Variants in PHEX observed in about 807,000 individuals in gnomAD.
PHEX encodes the protein phosphate-regulating neutral endopeptidase PHEX.
In PHEX, 16 loss-of-function variants were observed where a neutral mutation model predicts 68.0. That is an observed-to-expected ratio of 0.24 (90% CI 0.16 to 0.36). PHEX has a LOEUF of 0.36. Ranked by LOEUF, PHEX falls within the 10% of genes least tolerant of loss-of-function variation. The probability of loss-of-function intolerance (pLI) is 1.00; values close to 1 mark genes in which losing one functional copy is unlikely to be tolerated. For synonymous variants in PHEX, 208 were observed against 205.1 expected (o/e 1.01, Z -0.12); for missense variants, 480 against 575.5 (o/e 0.83, Z 1.70).
chrX:22,174,555 C>T (rs777386686), intron 13 of PHEX, among the ~76,000 whole-genome samples: 1 of 111,368 alleles, frequency 9.0e-6, no homozygotes, highest in Non-Finnish European at 1.9e-5. Context: ...AGAAAATTTC[C>T]CAGAAAGTGT....
At chrX:22,074,022 T>A (rs1196092272) in intron 3 of PHEX, among the ~76,000 whole-genome samples, 1 of 110,984 alleles carries the variant, frequency 9.0e-6, no homozygotes, top group East Asian at 2.8e-4. Flanking sequence ...GATTGAGAAA[T>A]CCTCCAAGAA....
intron 7 of PHEX, among the ~76,000 whole-genome samples, chrX:22,094,660 G>T (rs1358309068): frequency 8.9e-6 from 1 of 111,949 alleles, no homozygotes; most frequent in Non-Finnish European, 1.9e-5. Flanking sequence ...CTTTGTACCT[G>T]CCCCTGTTTT....
At position 22,094,165 on chromosome X, in the gene PHEX, C is replaced by T. The variant is rs113714114; in HGVS notation, c.849+66C>T. ...TTTTCTTTTCCTTTACTTTCTTTTCCTTTCCTTTTATTAAAGGCAGTATAT... is the reference window on the plus strand; with the variant it reads ...TTTTCTTTTCCTTTACTTTCTTTTCTTTTCCTTTTATTAAAGGCAGTATAT... On this transcript the variant is annotated intron_variant, in intron 7 of 21. Transcript: ENST00000379374. 1.6e-3 allele frequency: 1,046 copies of T among 658,332 alleles called. 4 individuals are homozygous for T. In the African/African-American group the frequency reaches 0.016, roughly 10 times the overall value. The allele number at this position is 658,332 out of a possible 1,213,427, so 54.3% of individuals were successfully genotyped here. A position where few individuals can be genotyped will look rare whatever the true frequency, so the allele number is the denominator to read the frequency against.
At chrX:22,064,459 T>C (rs2147004813) in intron 3 of PHEX, among the ~76,000 whole-genome samples, 1 of 112,079 alleles carries the variant, frequency 8.9e-6, no homozygotes, top group Admixed American at 9.5e-5. Flanking sequence ...GCTCCATCTA[T>C]GTTCCTGCAA....
intron 3 of PHEX, among the ~76,000 whole-genome samples, chrX:22,072,141 T>A (rs140759323): frequency 0.011 from 1,215 of 112,719 alleles, 18 homozygotes; most frequent in African/African-American, 0.037. Context: ...GTCAGGAGAA[T>A]CGCTTGAACC....
chrX:22,243,209 G>T (rs1208651463), intron 20 of PHEX, among the ~76,000 whole-genome samples: 1 of 111,647 alleles, frequency 9.0e-6, no homozygotes, highest in Admixed American at 9.5e-5. Flanking sequence ...AAATGGTGTT[G>T]GGAAAACTGG....
chrX:22,159,902 G>A (rs1406342288), intron 12 of PHEX, among the ~76,000 whole-genome samples: 1 of 112,218 alleles, frequency 8.9e-6, no homozygotes, highest in Non-Finnish European at 1.9e-5. Flanking sequence ...GGAACCTGAG[G>A]AACAGAGAGA....
rs150681958 is a variant in PHEX, at chrX:22,104,067, T to C, written c.1079+4916T>C. ...TGATAATTAGTGATGTTGAGCATTT[T>C]TCATATGTTTGTTGGCCCTTTGTAT... On this transcript the variant is annotated intron_variant, in intron 9 of 21. Transcript: ENST00000379374. Among the ~76,000 whole-genome samples, 618 of 112,350 alleles carry C rather than the reference T, an allele frequency of 5.5e-3. 3 individuals are homozygous for C. The highest frequency in any genetic ancestry group is 0.019 in the African/African-American group (591 of 30,918).
rs138104041 is a variant in PHEX, at chrX:22,045,878, A to T, written c.188-1172A>T. On this transcript the variant is annotated intron_variant, in intron 2 of 21. Transcript: ENST00000379374. ...CATTTCTCTGAGAGTTACACTGAAT[A>T]TCAAGGAGCTCAAGAATTTGAAAGT... 8.3e-3 allele frequency among the ~76,000 whole-genome samples: 932 copies of T among 112,465 alleles called. 8 individuals carry two copies. Among genetic ancestry groups the T allele is most frequent in the African/African-American group, 0.029 (893 of 30,964 alleles).
chrX:22,230,794 G>A (rs1402296550), intron 20 of PHEX, among the ~76,000 whole-genome samples: 3 of 111,378 alleles, frequency 2.7e-5, no homozygotes, highest in Non-Finnish European at 5.7e-5. Context: ...GACTGCCCTG[G>A]CCAGAACTTC....
intron 2 of PHEX, 75 bp downstream of exon 2, chrX:22,038,612 ATTTT>A: frequency 1.5e-6 from 1 of 667,835 alleles, no homozygotes; most frequent in Non-Finnish European, 2.5e-6. Flanking sequence ...GACAGGTGGT[ATTTT>A]TAGTATTCTG....
intron 5 of PHEX, among the ~76,000 whole-genome samples, chrX:22,089,406 G>GT (rs60936413): frequency 0.011 from 1,082 of 99,141 alleles, 6 homozygotes; most frequent in African/African-American, 0.018. Context: ...AGTTTTTTTT[G>GT]TTTTTTTTTT....
chrX:22,032,595 G>T lies in PHEX; in HGVS notation c.-411G>T. ...ATCATGATTTGGGGGAGTTTCACGA[G>T]AATCCAGTTTTGATAAAACAATTGT... On this transcript the variant is annotated 5_prime_UTR_variant, in exon 1 of 22. Coordinates refer to ENST00000379374, the MANE Select transcript of PHEX (RefSeq NM_000444.6). The T allele has an allele frequency of 7.3e-6, 1 of 137,233 alleles. No homozygotes were observed. Among genetic ancestry groups the T allele is most frequent in the Non-Finnish European group, 1.5e-5 (1 of 67,898 alleles). The allele number at this position is 137,233 out of a possible 1,213,427, so 11.3% of individuals were successfully genotyped here.
At chrX:22,067,410 G>A (rs1928657432) in intron 3 of PHEX, among the ~76,000 whole-genome samples, 1 of 111,364 alleles carries the variant, frequency 9.0e-6, no homozygotes, top group Non-Finnish European at 1.9e-5. Context: ...TAAAGCTGAG[G>A]TTGGCAGAAC....
intron 3 of PHEX, among the ~76,000 whole-genome samples, chrX:22,055,120 A>G (rs1365781676): frequency 3.9e-5 from 4 of 101,471 alleles, no homozygotes; most frequent in African/African-American, 1.4e-4. Context: ...GGTTGCAGTG[A>G]GCCAAGATAG....
intron 14 of PHEX, among the ~76,000 whole-genome samples, chrX:22,183,294 C>G (rs945201519): frequency 9.0e-6 from 1 of 111,206 alleles, no homozygotes; most frequent in South Asian, 3.8e-4. Flanking sequence ...CATCCCTGCT[C>G]TCTGCCCTTC....
chrX:22,206,949 C>T (rs779846361), intron 15 of PHEX, among the ~76,000 whole-genome samples: 40 of 111,758 alleles, frequency 3.6e-4, no homozygotes, highest in Admixed American at 3.1e-3. Flanking sequence ...CTGTAGCTAC[C>T]GTCAGGGTAT....
intron 12 of PHEX, among the ~76,000 whole-genome samples, chrX:22,167,653 G>C (rs1054405420): frequency 1.6e-4 from 17 of 107,656 alleles, no homozygotes; most frequent in African/African-American, 5.8e-4. Context: ...CACCATGCCC[G>C]GCTTTTTTTA....
At chrX:22,157,479 A>G (rs1241707092) in intron 12 of PHEX, among the ~76,000 whole-genome samples, 1 of 112,664 alleles carries the variant, frequency 8.9e-6, no homozygotes, top group African/African-American at 3.2e-5. Context: ...TACCTGCTCC[A>G]TCTGTTTACC....
Sources: gnomAD v4.1 joint callset for allele counts (sites outside exome capture counted in the v4.1 genomes callset) on GRCh38, gnomAD v4.1.1 for gene constraint, MANE v1.5 for transcripts, NCBI Gene and HGNC (gene_info 2026-07-23, HGNC 2026-07-21) for gene names.